LRFN5: variants seen among roughly 807,000 people sequenced by gnomAD.
The protein encoded by LRFN5 is leucine-rich repeat and fibronectin type-III domain-containing protein 5.
In LRFN5, 24 loss-of-function variants were observed where a neutral mutation model predicts 45.6. The ratio of observed to expected loss-of-function variants is 0.53; its 90% CI spans 0.38 to 0.74. The LOEUF (loss-of-function observed/expected upper bound fraction) is 0.74, where lower values mean the gene tolerates loss of function less well. LRFN5 is among the 30% of genes least tolerant of loss of function. The probability of loss-of-function intolerance (pLI) is 0.00; values close to 1 mark genes in which losing one functional copy is unlikely to be tolerated. For synonymous variants in LRFN5, 340 were observed against 313.8 expected, an observed-to-expected ratio of 1.08 and a Z score of -0.88; for missense variants, 776 against 861.5, an observed-to-expected ratio of 0.90 and a Z score of 1.24.
intron 1 of LRFN5, among the ~76,000 whole-genome samples, chr14:41,710,469 AG>A (rs142012094): frequency 0.014 from 2,129 of 152,186 alleles, 13 homozygotes; most frequent in Middle Eastern, 0.037. Flanking sequence ...CTGTTAATGT[AG>A]GTGTGTTTTT....
intron 1 of LRFN5, among the ~76,000 whole-genome samples, chr14:41,623,940 C>T (rs1888229247): frequency 6.6e-6 from 1 of 151,972 alleles, no homozygotes; most frequent in Non-Finnish European, 1.5e-5. Flanking sequence ...TTGCTGACAG[C>T]CTGTGAAGAA....
intron 1 of LRFN5, among the ~76,000 whole-genome samples, chr14:41,671,616 C>CCTTTTTTTTTTT (rs1566613142): frequency 2.7e-5 from 1 of 37,220 alleles, no homozygotes; most frequent in Non-Finnish European, 4.5e-5. Context: ...TTTTTTTTTT[C>CCTTTTTTTTTTT]GTTTTTTTTT....
intron 3 of LRFN5, among the ~76,000 whole-genome samples, chr14:41,888,789 A>G (rs190895091): frequency 3.0e-4 from 46 of 152,146 alleles, no homozygotes; most frequent in Non-Finnish European, 5.4e-4. Flanking sequence ...CATCTACTAA[A>G]CAATTTCTGG....
chr14:41,663,950 A>G (rs1197218131), intron 1 of LRFN5, among the ~76,000 whole-genome samples: 4 of 152,060 alleles, frequency 2.6e-5, no homozygotes, highest in African/African-American at 7.2e-5. Context: ...ATAGACTTAT[A>G]TTGGATTACA....
chr14:41,638,131 C>G (rs924278738), intron 1 of LRFN5, among the ~76,000 whole-genome samples: 26 of 152,170 alleles, frequency 1.7e-4, no homozygotes, highest in Admixed American at 1.7e-3. Flanking sequence ...TGGATAACAG[C>G]ACCCCAATTT....
At chr14:41,744,655 T>C (rs1041452510) in intron 1 of LRFN5, among the ~76,000 whole-genome samples, 1 of 152,026 alleles carries the variant, frequency 6.6e-6, no homozygotes, top group Non-Finnish European at 1.5e-5. Flanking sequence ...AGAGACTCAG[T>C]TTGGATCCAG....
rs1284388234 is a variant in LRFN5, at chr14:41,891,300, G to A, written c.1436G>A (p.Gly479Glu). 6.8e-6 allele frequency: 11 copies of A among 1,614,004 alleles called. No individual in the cohort carries two copies. Among genetic ancestry groups the A allele is most frequent in the Non-Finnish European group, 8.5e-6 (10 of 1,180,002 alleles). The stretch of plus-strand genomic sequence containing the variant: ...TTTCTGGTCAATAATCTGGCTGCTG[G>A]AACTATGTATGACTTGTGTGTCTTG... ...KTFLVNNLAA[G>E]TMYDLCVLAI... The change falls in exon 4 of 6, where the codon GGA becomes GAA. Residue 479 changes from glycine (G) to glutamate (E), a missense_variant. Physicochemically the swap from Gly to Glu is moderately conservative, Grantham distance 98. Around this residue, in one of 2 missense-constraint regions of LRFN5, gnomAD observed 465 missense variants for 456.4 expected, o/e 1.02. Transcript: ENST00000298119.
At chr14:41,737,530 G>T (rs1013555746) in intron 1 of LRFN5, among the ~76,000 whole-genome samples, 2 of 151,998 alleles carry the variant, frequency 1.3e-5, no homozygotes, top group African/African-American at 4.8e-5. Flanking sequence ...AGAAATAAAG[G>T]GTATTCAAAT....
chr14:41,616,745 A>C (rs1283157148), intron 1 of LRFN5, among the ~76,000 whole-genome samples: 1 of 152,130 alleles, frequency 6.6e-6, no homozygotes, highest in African/African-American at 2.4e-5. Context: ...AAAATTATTA[A>C]AAGTATTGCA....
intron 2 of LRFN5, among the ~76,000 whole-genome samples, chr14:41,816,004 G>A (rs1163192668): frequency 1.3e-5 from 2 of 151,876 alleles, no homozygotes; most frequent in Non-Finnish European, 2.9e-5. Context: ...TAGAGTGTGC[G>A]ATATACTTTT....
chr14:41,609,414 G>C (rs1317524058), intron 1 of LRFN5, among the ~76,000 whole-genome samples: 1 of 151,938 alleles, frequency 6.6e-6, no homozygotes, highest in Non-Finnish European at 1.5e-5. Context: ...GAGCAGGTTG[G>C]ATTTGCGACT....
chr14:41,733,095 T>C (rs1884252059), intron 1 of LRFN5, among the ~76,000 whole-genome samples: 2 of 149,734 alleles, frequency 1.3e-5, no homozygotes, highest in South Asian at 4.2e-4. Flanking sequence ...TGGTATGTCA[T>C]CAAGGAGACC....
At chr14:41,893,210 C>A (rs1015769495) in intron 4 of LRFN5, 3 of 974,456 alleles carry the variant, frequency 3.1e-6, no homozygotes, top group Non-Finnish European at 3.7e-6. Flanking sequence ...TTTTTTAAAA[C>A]AGGATTTTAA....
At chr14:41,721,866 G>A (rs2138771450) in intron 1 of LRFN5, among the ~76,000 whole-genome samples, 2 of 152,188 alleles carry the variant, frequency 1.3e-5, no homozygotes, top group South Asian at 4.1e-4. Context: ...ATTTTGTACA[G>A]TATCTCACAG....
At chr14:41,855,291 G>A (rs1363931693) in intron 2 of LRFN5, among the ~76,000 whole-genome samples, 1 of 152,156 alleles carries the variant, frequency 6.6e-6, no homozygotes, top group African/African-American at 2.4e-5. Context: ...ATCACACTGT[G>A]TATAGATTTA....
intron 1 of LRFN5, among the ~76,000 whole-genome samples, chr14:41,647,352 A>G (rs936236954): frequency 1.3e-5 from 2 of 152,156 alleles, no homozygotes; most frequent in African/African-American, 2.4e-5. Context: ...ATGCCACCCA[A>G]AGAAGTTTGG....
At chr14:41,803,364 C>A (rs1350326506) in intron 2 of LRFN5, among the ~76,000 whole-genome samples, 1 of 148,250 alleles carries the variant, frequency 6.7e-6, no homozygotes, top group African/African-American at 2.5e-5. Context: ...TTTTTTTTTT[C>A]TTTTTGAGAC....
At chr14:41,708,993 A>T (rs1477726765) in intron 1 of LRFN5, among the ~76,000 whole-genome samples, 1 of 151,784 alleles carries the variant, frequency 6.6e-6, no homozygotes, top group African/African-American at 2.4e-5. Flanking sequence ...GAGAGTCATT[A>T]TTCATTAGGA....
In LRFN5 at chr14:41,779,748, G is replaced by T. The variant is rs1886416564; in HGVS notation, c.-21+12719G>T. On this transcript the variant is annotated intron_variant, in intron 2 of 5. Transcript: ENST00000298119. ...CCATTTTGTCCAGTTTATCATATTG[G>T]TCGCCATAGAGTTATTCATAATATT... 2.6e-5 allele frequency among the ~76,000 whole-genome samples: 4 copies of T among 151,796 alleles called. No homozygotes were observed. The South Asian group carries it at 8.3e-4, about 31-fold the overall frequency.
Sources: allele counts gnomAD v4.1 joint callset (sites outside exome capture counted in the v4.1 genomes callset), GRCh38; gene constraint gnomAD v4.1.1; regional missense constraint gnomAD v4.1.1; transcripts MANE v1.5; gene names NCBI Gene and HGNC (gene_info 2026-07-23, HGNC 2026-07-21).